Variants in SRGAP2 observed in about 807,000 individuals in gnomAD.
The protein encoded by SRGAP2 is SLIT-ROBO Rho GTPase activating protein 2.
Under a neutral mutation model 57.2 loss-of-function variants are expected in SRGAP2, and 15 were observed. The ratio of observed to expected loss-of-function variants is 0.26; its 90% confidence interval spans 0.18 to 0.40. The LOEUF (loss-of-function observed/expected upper bound fraction) is 0.40, where lower values mean the gene tolerates loss of function less well. Among genes scored for constraint, SRGAP2 ranks in the 10% least tolerant of loss-of-function variants. SRGAP2 has a pLI of 1.00. For missense variants in SRGAP2, 520 were observed against 669.6 expected (o/e 0.78, Z 2.47); for synonymous variants, 249 against 248.0 (o/e 1.00, Z -0.04).
Position 206,419,358 on chromosome 1 carries a change from T to C in SRGAP2, c.1442-15T>C. The C allele has an allele frequency of 1.3e-6, 1 of 780,706 alleles. No individual in the cohort carries two copies. The highest frequency in any genetic ancestry group is 2.4e-6 in the Non-Finnish European group (1 of 417,860). 48.4% of individuals were successfully genotyped at this position (780,706 alleles called of 1,614,324 possible). A position where few individuals can be genotyped will look rare whatever the true frequency, so the allele number is the denominator to read the frequency against. ...TCCTTTAACATAATGCTTTTTGCCT[T>C]TGTGTTTCCAACAGGTCAGCGGACA... On this transcript the variant is annotated splice_polypyrimidine_tract_variant and intron_variant, in intron 11 of 22. Coordinates refer to ENST00000573034, the MANE Select transcript of SRGAP2 (RefSeq NM_015326.5).
At chr1:206,381,251 G>A (rs1423756811) in intron 4 of SRGAP2, among the ~76,000 whole-genome samples, 3 of 151,884 alleles carry the variant, frequency 2.0e-5, no homozygotes, top group Non-Finnish European at 4.4e-5. Flanking sequence ...GGTTATTTAA[G>A]TCATGGGTAA....
intron 11 of SRGAP2, among the ~76,000 whole-genome samples, chr1:206,417,707 A>C (rs546525545): frequency 6.6e-6 from 1 of 152,234 alleles, no homozygotes; most frequent in South Asian, 2.1e-4. Context: ...GGTGTGAGCC[A>C]CCGGGCCCAG....
chr1:206,419,221 C>T (rs1218744257), intron 11 of SRGAP2, among the ~76,000 whole-genome samples, 152 bp from the exon 12 acceptor site: 1 of 152,146 alleles, frequency 6.6e-6, no homozygotes, highest in Non-Finnish European at 1.5e-5. Flanking sequence ...CTCTGTCTCT[C>T]TCTGTCTCTC....
chr1:206,318,680 C>T (rs1673228969), intron 3 of SRGAP2, among the ~76,000 whole-genome samples: 1 of 152,158 alleles, frequency 6.6e-6, no homozygotes, highest in Non-Finnish European at 1.5e-5. Context: ...AGCTTACAAT[C>T]ATGGCAGAAG....
intron 21 of SRGAP2, 183 bp from the exon 22 acceptor site, chr1:206,458,440 G>T (rs1417461653): frequency 4.2e-6 from 3 of 714,176 alleles, no homozygotes; most frequent in Non-Finnish European, 7.8e-6. Flanking sequence ...CACCCAGCTT[G>T]GGGGTGGCAA....
intron 2 of SRGAP2, among the ~76,000 whole-genome samples, chr1:206,248,331 G>A (rs2102574695): frequency 6.6e-6 from 1 of 152,192 alleles, no homozygotes; most frequent in East Asian, 1.9e-4. Context: ...AACTTCATCC[G>A]GCCTCTCAGG....
At chr1:206,286,875 C>T (rs1310000936) in intron 2 of SRGAP2, among the ~76,000 whole-genome samples, 1 of 151,564 alleles carries the variant, frequency 6.6e-6, no homozygotes, top group Non-Finnish European at 1.5e-5. Flanking sequence ...TGAACTGGGC[C>T]ATGTAAGGTT....
chr1:206,220,319 G>A (rs1328207545), intron 2 of SRGAP2, among the ~76,000 whole-genome samples: 3 of 152,006 alleles, frequency 2.0e-5, no homozygotes, highest in African/African-American at 7.3e-5. Context: ...AAAATTATCC[G>A]ATAACGTTAG....
intron 14 of SRGAP2, among the ~76,000 whole-genome samples, chr1:206,435,002 A>G (rs1252202501): frequency 2.0e-5 from 3 of 152,244 alleles, no homozygotes; most frequent in African/African-American, 7.2e-5. Flanking sequence ...TCTTTAAACA[A>G]CATTATCTGG....
chr1:206,209,618 G>A (rs1164855661), intron 2 of SRGAP2, among the ~76,000 whole-genome samples: 3 of 151,866 alleles, frequency 2.0e-5, no homozygotes, highest in Non-Finnish European at 4.4e-5. Context: ...TGTCTGACTT[G>A]AAAGCAATAA....
Position 206,402,021 on chromosome 1 carries a change from T to TGAGG in SRGAP2, c.1056+382_1056+385dup, listed in dbSNP as rs531812645. Among the ~76,000 whole-genome samples the TGAGG allele has an allele frequency of 6.8e-4, 101 of 148,920 alleles. No individual in the cohort carries two copies. In the East Asian group the frequency reaches 0.016, roughly 24 times the overall value. On this transcript the variant is annotated intron_variant, in intron 8 of 22. Coordinates refer to ENST00000573034, the MANE Select transcript of SRGAP2 (RefSeq NM_015326.5). Reference sequence around the variant, plus strand: ...ACAGTTCAGGATGGTGAAAGGAAAGTGAGGGAGGGGGGCGCTCCCAGTGGT... The same window carrying TGAGG: ...ACAGTTCAGGATGGTGAAAGGAAAGTGAGGGAGGGAGGGGGGCGCTCCCAGTGGT...
At chr1:206,411,060 C>G (rs1659176907) in intron 10 of SRGAP2, among the ~76,000 whole-genome samples, 1 of 152,206 alleles carries the variant, frequency 6.6e-6, no homozygotes, top group African/African-American at 2.4e-5. Context: ...CGGGGTTTCA[C>G]TATGTTGGCC....
chr1:206,244,211 C>G lies in SRGAP2; in HGVS notation c.67+38174C>G, dbSNP rs1350356033. ...CTTGACTTAGTATAGTATTATACAT[C>G]CAGCCCTTACCCTAAATGCTTATTA... On this transcript the variant is annotated intron_variant, in intron 2 of 22. Coordinates refer to ENST00000573034, the MANE Select transcript of SRGAP2 (RefSeq NM_015326.5). 4.3e-5 allele frequency among the ~76,000 whole-genome samples: 4 copies of G among 92,730 alleles called. 1 individual carries two copies. The East Asian group carries it at 1.5e-3, about 34-fold the overall frequency. 60.8% of individuals were successfully genotyped at this position (92,730 alleles called of 152,430 possible). A position where few individuals can be genotyped will look rare whatever the true frequency, so the allele number is the denominator to read the frequency against.
intron 4 of SRGAP2, among the ~76,000 whole-genome samples, chr1:206,359,423 CCTG>C (rs1276777296): frequency 2.1e-5 from 1 of 48,424 alleles, no homozygotes; most frequent in East Asian, 3.9e-4. Flanking sequence ...TATATAGGAG[CCTG>C]CTACAATAAT....
At chr1:206,378,401 CA>C (rs1425127792) in intron 4 of SRGAP2, among the ~76,000 whole-genome samples, 1 of 152,018 alleles carries the variant, frequency 6.6e-6, no homozygotes, top group African/African-American at 2.4e-5. Flanking sequence ...GATCACGTGA[CA>C]GTTGAGCCCA....
In SRGAP2 at chr1:206,461,517, T is replaced by C; in HGVS notation, c.*97T>C. 1 of 664,900 alleles carries C rather than the reference T, an allele frequency of 1.5e-6. No homozygotes were observed. The allele number at this position is 664,900 out of a possible 1,614,324, so 41.2% of individuals were successfully genotyped here. Reference sequence around the variant, plus strand: ...CTAGCTTGGGGACTTCAGTTGAAAATTAGGTTCTAAGTTGTTCTTGCAGGA... The same window carrying C: ...CTAGCTTGGGGACTTCAGTTGAAAACTAGGTTCTAAGTTGTTCTTGCAGGA... On this transcript the variant is annotated 3_prime_UTR_variant, in exon 23 of 23. Transcript: ENST00000573034.
At chr1:206,435,421 A>G (rs1553369678) in intron 14 of SRGAP2, among the ~76,000 whole-genome samples, 1 of 151,802 alleles carries the variant, frequency 6.6e-6, no homozygotes, top group Non-Finnish European at 1.5e-5. Context: ...ATTGAGACCC[A>G]GGGATCCTGA....
intron 2 of SRGAP2, among the ~76,000 whole-genome samples, chr1:206,251,224 C>G (rs571107148): frequency 6.6e-6 from 1 of 152,008 alleles, no homozygotes; most frequent in Non-Finnish European, 1.5e-5. Flanking sequence ...TTTACACTGA[C>G]ATATTTCTAG....
chr1:206,421,545 C>G (rs1469055698), intron 13 of SRGAP2, among the ~76,000 whole-genome samples: 1 of 152,162 alleles, frequency 6.6e-6, no homozygotes, highest in African/African-American at 2.4e-5. Context: ...GCAGATTGTT[C>G]CAGAACTGCC....
Sources: gnomAD v4.1 joint callset for allele counts (sites outside exome capture counted in the v4.1 genomes callset) on GRCh38, gnomAD v4.1.1 for gene constraint, MANE v1.5 for transcripts, NCBI Gene and HGNC (gene_info 2026-07-23, HGNC 2026-07-21) for gene names.